The following NFATC1 variants were observed in gnomAD, a reference collection of about 807,000 sequenced individuals.
The protein encoded by NFATC1 is nuclear factor of activated T cells 1, also known as nuclear factor of activated T-cells, cytoplasmic 1.
A neutral mutation model predicts 76.0 loss-of-function variants in NFATC1; 22 were observed. That is an observed-to-expected ratio of 0.29 (90% CI 0.21 to 0.41). The LOEUF (loss-of-function observed/expected upper bound fraction) is 0.41. Among genes scored for constraint, NFATC1 ranks in the 10% least tolerant of loss-of-function variants. The probability of loss-of-function intolerance (pLI) is 1.00; values close to 1 mark genes in which losing one functional copy is unlikely to be tolerated. For missense variants in NFATC1, 1,357 were observed against 1,337.7 expected (o/e 1.01, Z -0.23); for synonymous variants, 704 against 613.1 (o/e 1.15, Z -2.19).
At chr18:79,448,141 C>T (rs8092987) in intron 3 of NFATC1, 15,776 of 152,724 alleles carry the variant, frequency 0.1, 1,097 homozygotes, top group Non-Finnish European at 0.15. Flanking sequence ...CAGGGTGGTG[C>T]GGACTATAGA....
intron 6 of NFATC1, among the ~76,000 whole-genome samples, chr18:79,459,269 C>T (rs554743369): frequency 8.5e-5 from 13 of 152,356 alleles, no homozygotes; most frequent in African/African-American, 2.6e-4. Context: ...GGGGCCGCTC[C>T]GGCAAGGATG....
intron 9 of NFATC1, among the ~76,000 whole-genome samples, chr18:79,489,823 T>C (rs1462987857): frequency 6.6e-6 from 1 of 152,224 alleles, no homozygotes; most frequent in Non-Finnish European, 1.5e-5. Context: ...ATGGGTCCTG[T>C]GTGCTTCTGC....
intron 7 of NFATC1, among the ~76,000 whole-genome samples, chr18:79,463,655 G>A (rs2144889839): frequency 6.6e-6 from 1 of 152,368 alleles, no homozygotes; most frequent in East Asian, 1.9e-4. Flanking sequence ...CCTCCCCACT[G>A]GGCTGCCCTT....
chr18:79,433,479 G>A (rs1360727462), intron 2 of NFATC1, 100 bp from the exon 3 acceptor site: 2 of 1,395,592 alleles, frequency 1.4e-6, no homozygotes, highest in Non-Finnish European at 2.0e-6. Context: ...ACTCGCCGAT[G>A]AAGTGTCCAC....
intron 6 of NFATC1, among the ~76,000 whole-genome samples, chr18:79,453,602 G>A (rs996005615): frequency 2.0e-5 from 3 of 152,188 alleles, no homozygotes; most frequent in Non-Finnish European, 4.4e-5. Context: ...GGCAATGCCA[G>A]TTTGTCTGCC....
At chr18:79,508,019 A>G (rs1050201473) in intron 9 of NFATC1, among the ~76,000 whole-genome samples, 5 of 152,272 alleles carry the variant, frequency 3.3e-5, no homozygotes, top group Admixed American at 3.3e-4. Context: ...AAACTACCGT[A>G]TATCACTCAG....
intron 2 of NFATC1, among the ~76,000 whole-genome samples, chr18:79,418,299 C>T (rs1207843666): frequency 2.0e-5 from 3 of 152,160 alleles, no homozygotes; most frequent in Non-Finnish European, 4.4e-5. Context: ...CGACTGTGGA[C>T]GCAGCTGAGG....
chr18:79,520,454 GT>G (rs1471104157), intron 9 of NFATC1, among the ~76,000 whole-genome samples: 1 of 151,928 alleles, frequency 6.6e-6, no homozygotes, highest in Non-Finnish European at 1.5e-5. Context: ...CATAAAAAAA[GT>G]TTAAGGCACA....
At chr18:79,426,937 C>A (rs949930600) in intron 2 of NFATC1, among the ~76,000 whole-genome samples, 4 of 152,258 alleles carry the variant, frequency 2.6e-5, no homozygotes, top group African/African-American at 9.6e-5. Flanking sequence ...CAGGGAAGCT[C>A]TGCAGGAGCT....
intron 2 of NFATC1, among the ~76,000 whole-genome samples, chr18:79,428,991 C>T (rs568917998): frequency 4.6e-5 from 7 of 152,274 alleles, no homozygotes; most frequent in South Asian, 2.1e-4. Flanking sequence ...GAGGCTGAAG[C>T]GGGCGGATCA....
At chr18:79,525,983 G>A (rs934411767) in intron 9 of NFATC1, among the ~76,000 whole-genome samples, 4 of 152,266 alleles carry the variant, frequency 2.6e-5, no homozygotes, top group Non-Finnish European at 2.9e-5. Flanking sequence ...CCTGGGGGCC[G>A]CTGCACTCAG....
chr18:79,411,189 C>G lies in NFATC1; in HGVS notation c.914C>G (p.Thr305Ser), dbSNP rs760075023. 2.5e-6 allele frequency: 4 copies of G among 1,611,366 alleles called. No homozygotes were observed. The Admixed American group carries it at 6.7e-5, about 27-fold the overall frequency. Residue 305 changes from threonine to serine, a missense_variant, in exon 2 of 10, where the codon ACC becomes AGC. By Grantham distance (58) the Thr-to-Ser change is moderately conservative. This residue lies in a region of NFATC1 where 691 missense variants were observed against 613.1 expected (regional missense o/e 1.13). Coordinates refer to ENST00000427363, the MANE Select transcript of NFATC1 (RefSeq NM_001278669.2). ...GACGACTCGTGGTTGGGCAACACCA[C>G]CCAGTACACCAGCTCGGCCATCGTG... ...VTDDSWLGNT[T>S]QYTSSAIVAA...
At chr18:79,484,008 T>C (rs925387032) in intron 8 of NFATC1, among the ~76,000 whole-genome samples, 1 of 150,560 alleles carries the variant, frequency 6.6e-6, no homozygotes, top group Non-Finnish European at 1.5e-5. Context: ...GGTCCTGGGG[T>C]GTCACTCCAA....
At chr18:79,406,313 C>A (rs1453349212) in intron 1 of NFATC1, among the ~76,000 whole-genome samples, 1 of 152,114 alleles carries the variant, frequency 6.6e-6, no homozygotes, top group Non-Finnish European at 1.5e-5. Context: ...GCAGTTAAGC[C>A]CCCTTTGAGG....
intron 2 of NFATC1, among the ~76,000 whole-genome samples, chr18:79,426,904 C>T (rs1008286179): frequency 6.6e-6 from 1 of 152,226 alleles, no homozygotes; most frequent in Non-Finnish European, 1.5e-5. Context: ...TTGCCTAGGA[C>T]CTTCTTAACT....
chr18:79,400,210 G>A, intron 1 of NFATC1: 1 of 1,190,620 alleles, frequency 8.4e-7, no homozygotes, highest in Non-Finnish European at 1.0e-6. Context: ...AAACTCGGAA[G>A]CCGGCGGCCG....
intron 9 of NFATC1, among the ~76,000 whole-genome samples, chr18:79,503,285 A>G (rs1190142837): frequency 2.6e-5 from 4 of 152,208 alleles, no homozygotes; most frequent in African/African-American, 9.6e-5. Context: ...CCACTGGGAT[A>G]CAGCCAGTAT....
At chr18:79,459,663 T>C (rs2087952314) in intron 6 of NFATC1, among the ~76,000 whole-genome samples, 1 of 152,046 alleles carries the variant, frequency 6.6e-6, no homozygotes, top group Non-Finnish European at 1.5e-5. Context: ...AACTATAGCC[T>C]GTTGCGCCCG....
intron 2 of NFATC1, among the ~76,000 whole-genome samples, chr18:79,414,155 G>A (rs1944068280): frequency 6.6e-6 from 1 of 152,184 alleles, no homozygotes; most frequent in South Asian, 2.1e-4. Flanking sequence ...TTTTTTACCA[G>A]CGAGGTGGAG....
Sources: allele counts gnomAD v4.1 joint callset (sites outside exome capture counted in the v4.1 genomes callset), GRCh38; gene constraint gnomAD v4.1.1; regional missense constraint gnomAD v4.1.1; transcripts MANE v1.5; gene names NCBI Gene and HGNC (gene_info 2026-07-23, HGNC 2026-07-21).